Variants in RAI1 observed in about 807,000 individuals in gnomAD.
The protein encoded by RAI1 is retinoic acid induced 1.
RAI1 carries 9 observed loss-of-function variants against 123.8 expected under a neutral mutation model. The ratio of observed to expected loss-of-function variants is 0.07; its 90% CI spans 0.04 to 0.13. The LOEUF (loss-of-function observed/expected upper bound fraction) is 0.13. RAI1 is among the 10% of genes least tolerant of loss of function. The pLI is 1.00. For synonymous variants in RAI1, 1,231 were observed against 1,127.3 expected, an observed-to-expected ratio of 1.09 and a Z score of -1.84; for missense variants, 2,256 against 2,545.8, an observed-to-expected ratio of 0.89 and a Z score of 2.45.
chr17:17,696,223 C>T (rs753665433), intron 1 of RAI1, among the ~76,000 whole-genome samples: 5 of 152,138 alleles, frequency 3.3e-5, no homozygotes, highest in Non-Finnish European at 7.3e-5. Flanking sequence ...ACTTATGATA[C>T]ATCTACGGAG....
chr17:17,718,850 A>C (rs1243936474), intron 1 of RAI1, among the ~76,000 whole-genome samples: 1 of 152,190 alleles, frequency 6.6e-6, no homozygotes, highest in Non-Finnish European at 1.5e-5. Flanking sequence ...CCACATTGGC[A>C]TGAAGGGCAT....
intron 2 of RAI1, among the ~76,000 whole-genome samples, chr17:17,766,767 C>T (rs540020684): frequency 5.6e-4 from 86 of 152,318 alleles, no homozygotes; most frequent in Middle Eastern, 3.4e-3. Context: ...GCACAGGAAT[C>T]GGTGCTCCAG....
chr17:17,780,986 C>G (rs1264702787), intron 2 of RAI1, among the ~76,000 whole-genome samples: 3 of 152,184 alleles, frequency 2.0e-5, no homozygotes, highest in Non-Finnish European at 4.4e-5. Context: ...ATCCTCACCC[C>G]CTCCCCTCCC....
intron 2 of RAI1, among the ~76,000 whole-genome samples, chr17:17,737,657 G>A (rs918979972): frequency 3.9e-5 from 6 of 152,090 alleles, no homozygotes; most frequent in South Asian, 2.1e-4. Flanking sequence ...CCAGTCCCCC[G>A]CCCCATATCC....
intron 2 of RAI1, among the ~76,000 whole-genome samples, chr17:17,767,793 T>A (rs2030998358): frequency 6.6e-6 from 1 of 152,240 alleles, no homozygotes. Context: ...AATGGTGGCC[T>A]TGTTATTCCA....
rs371983878 is a variant in RAI1, at chr17:17,793,779, C to CCAGCAGCAGCAGCAGCAGCAGCAGCAG, written c.846_872dup (p.Gln283_Gln291dup). Reference sequence around the variant, plus strand: ...ACCAGTCGGGCCGCCTCAGCTATGACCAGCAGCAGCAGCAGCAGCAGCAGC... The same window carrying CCAGCAGCAGCAGCAGCAGCAGCAGCAG: ...ACCAGTCGGGCCGCCTCAGCTATGACCAGCAGCAGCAGCAGCAGCAGCAGCAGCAGCAGCAGCAGCAGCAGCAGCAGC... On this transcript the variant is annotated inframe_insertion, in exon 3 of 6. Coordinates refer to ENST00000353383, the MANE Select transcript of RAI1 (RefSeq NM_030665.4). 2 of 1,357,644 alleles carry CCAGCAGCAGCAGCAGCAGCAGCAGCAG rather than the reference C, an allele frequency of 1.5e-6. No individual in the cohort carries two copies. Among genetic ancestry groups the CCAGCAGCAGCAGCAGCAGCAGCAGCAG allele is most frequent in the Non-Finnish European group, 1.9e-6 (2 of 1,055,658 alleles). The allele number at this position is 1,357,644 out of a possible 1,614,324, so 84.1% of individuals were successfully genotyped here.
chr17:17,811,282 T>A lies in RAI1; in HGVS notation c.*1301T>A. 1 of 312,456 alleles carries A rather than the reference T, an allele frequency of 3.2e-6. No individual in the cohort carries two copies. Among genetic ancestry groups the A allele is most frequent in the Non-Finnish European group, 6.3e-6 (1 of 159,300 alleles). 19.4% of individuals were successfully genotyped at this position (312,456 alleles called of 1,614,324 possible). Reference sequence around the variant, plus strand: ...ATATATATAATATATATGAAGACTGTAAATGTTAAGACGACTAGTGTTCTT... The same window carrying A: ...ATATATATAATATATATGAAGACTGAAAATGTTAAGACGACTAGTGTTCTT... On this transcript the variant is annotated 3_prime_UTR_variant, in exon 6 of 6. Transcript: ENST00000353383.
chr17:17,796,152 G>T lies in RAI1; in HGVS notation c.3204G>T (p.Thr1068=). ...TCACGGCCCTGAGTGAGCCCCGCAC[G>T]CCCGGACCCCCAGGCCTGACCACCA... ...RSLTALSEPR[T]PGPPGLTTTP... Residue 1068 remains threonine (T), a synonymous_variant, in exon 3 of 6, where the codon ACG becomes ACT. Transcript: ENST00000353383. The surrounding 1 kb of genome is among the most constrained non-coding windows in gnomAD (Gnocchi z 5.8). 2.6e-6 allele frequency: 4 copies of T among 1,565,668 alleles called. No individual in the cohort carries two copies. The highest frequency in any genetic ancestry group is 1.2e-5 in the South Asian group (1 of 85,940).
intron 1 of RAI1, among the ~76,000 whole-genome samples, chr17:17,694,617 G>T (rs937889345): frequency 6.6e-6 from 1 of 151,886 alleles, no homozygotes; most frequent in Non-Finnish European, 1.5e-5. Context: ...TGCCGGTCCC[G>T]CCCCTCCCCG....
chr17:17,707,706 C>T (rs777623022), intron 1 of RAI1, among the ~76,000 whole-genome samples: 5 of 152,208 alleles, frequency 3.3e-5, no homozygotes, highest in Non-Finnish European at 7.4e-5. Flanking sequence ...GGTCCTCCCA[C>T]CTCAGCCTCC....
chr17:17,795,301 C>T lies in RAI1; in HGVS notation c.2353C>T (p.His785Tyr). The change falls in exon 3 of 6, where the codon CAT (histidine) becomes TAT (tyrosine). Residue 785 changes from histidine (H) to tyrosine (Y), a missense_variant. Around this residue, in one of 7 missense-constraint regions of RAI1, gnomAD observed 566 missense variants for 616.0 expected, o/e 0.92. Coordinates refer to ENST00000353383, the MANE Select transcript of RAI1 (RefSeq NM_030665.4). This position sits in a 1 kb window ranked among gnomAD's most constrained non-coding sequence, Gnocchi z 5.9. Reference sequence around the variant, plus strand: ...AGATGGCATCAGCAAAGGGGACACCCATGAGGCTTCGGCCTGCCTGGGCTT... The same window carrying T: ...AGATGGCATCAGCAAAGGGGACACCTATGAGGCTTCGGCCTGCCTGGGCTT... ...ASDGISKGDTHEASACLGFQE... is the reference protein window; with the variant it reads ...ASDGISKGDTYEASACLGFQE... The T allele has an allele frequency of 6.2e-7, 1 of 1,609,894 alleles. No homozygotes were observed.
At chr17:17,779,010 TG>T (rs1367765096) in intron 2 of RAI1, 1 of 411,828 alleles carries the variant, frequency 2.4e-6, no homozygotes, top group East Asian at 7.2e-5. Context: ...ACAAGAGTGT[TG>T]TTCAAAACAG....
intron 1 of RAI1, among the ~76,000 whole-genome samples, chr17:17,699,631 G>GT (rs1489344787): frequency 1.5e-5 from 2 of 129,842 alleles, no homozygotes; most frequent in African/African-American, 6.9e-5. Context: ...CGGGGGGCCG[G>GT]GGGGGGGGGA....
intron 2 of RAI1, among the ~76,000 whole-genome samples, chr17:17,790,683 G>A (rs938918743): frequency 6.6e-6 from 1 of 152,276 alleles, no homozygotes; most frequent in African/African-American, 2.4e-5. Flanking sequence ...AGCAGGAAAT[G>A]AGAGTGATCT....
rs764373875 is a variant in RAI1 at position 17,796,427 on chromosome 17, G to A, written c.3479G>A (p.Arg1160Gln). ...TKTQEIFHSK[R>Q]RRPSEGRLPN... ...ACCCAGGAGATCTTCCACTCCAAGC[G>A]GCGGAGGCCCTCTGAGGGCCGGCTC... The change falls in exon 3 of 6, where the codon CGG becomes CAG. Residue 1160 changes from arginine to glutamine, a missense_variant. Around this residue, in one of 7 missense-constraint regions of RAI1, gnomAD observed 322 missense variants for 358.0 expected, o/e 0.90. Coordinates refer to ENST00000353383, the MANE Select transcript of RAI1 (RefSeq NM_030665.4). The surrounding 1 kb of genome is among the most constrained non-coding windows in gnomAD (Gnocchi z 5.8). 1.9e-5 allele frequency: 30 copies of A among 1,613,324 alleles called. No individual in the cohort carries two copies. The Admixed American group carries it at 2.0e-4, about 11-fold the overall frequency.
chr17:17,810,208 G>A lies in RAI1; in HGVS notation c.*227G>A, dbSNP rs2032705929. The A allele has an allele frequency of 6.3e-6, 4 of 634,058 alleles. No individual in the cohort carries two copies. The highest frequency in any genetic ancestry group is 3.0e-5 in the East Asian group (1 of 33,334). 39.3% of individuals were successfully genotyped at this position (634,058 alleles called of 1,614,324 possible). A position where few individuals can be genotyped will look rare whatever the true frequency, so the allele number is the denominator to read the frequency against. ...TCCGGAGCCGCCTGCTCCCGGAACCGGACGGCACAGGGCGTTCTTGCCCAC... is the reference window on the plus strand; with the variant it reads ...TCCGGAGCCGCCTGCTCCCGGAACCAGACGGCACAGGGCGTTCTTGCCCAC... On this transcript the variant is annotated 3_prime_UTR_variant, in exon 6 of 6. Transcript: ENST00000353383. The surrounding 1 kb of genome is among the most constrained non-coding windows in gnomAD (Gnocchi z 4.6).
chr17:17,722,107 G>A (rs1441914102), intron 1 of RAI1, among the ~76,000 whole-genome samples: 2 of 152,188 alleles, frequency 1.3e-5, no homozygotes, highest in Non-Finnish European at 2.9e-5. Flanking sequence ...TGGAGGTGGA[G>A]GCCGAGGAGA....
chr17:17,757,915 C>T (rs1027903883), intron 2 of RAI1, among the ~76,000 whole-genome samples: 2 of 152,228 alleles, frequency 1.3e-5, no homozygotes, highest in African/African-American at 4.8e-5. Flanking sequence ...TGGAAGAACA[C>T]GACTCAGTAG....
intron 2 of RAI1, among the ~76,000 whole-genome samples, chr17:17,761,155 C>T (rs1253864952): frequency 6.6e-6 from 1 of 152,114 alleles, no homozygotes; most frequent in Non-Finnish European, 1.5e-5. Context: ...CCAGTATTGT[C>T]CTGAGGGTTG....
Sources: allele counts gnomAD v4.1 joint callset (sites outside exome capture counted in the v4.1 genomes callset), GRCh38; gene constraint gnomAD v4.1.1; regional missense constraint gnomAD v4.1.1; non-coding constraint Gnocchi (gnomAD v3.1); transcripts MANE v1.5; gene names NCBI Gene and HGNC (gene_info 2026-07-23, HGNC 2026-07-21).